LIMCH1: variants seen among roughly 807,000 people sequenced by gnomAD.
The protein encoded by LIMCH1 is LIM and calponin homology domains 1, also known as LIM and calponin homology domains-containing protein 1.
LIMCH1 carries 113 observed loss-of-function variants against 176.5 expected under a neutral mutation model. The observed-to-expected ratio is 0.64, with a 90% CI of 0.55 to 0.75. The LOEUF (loss-of-function observed/expected upper bound fraction) is 0.75, where lower values mean the gene tolerates loss of function less well. LIMCH1 is among the 30% of genes least tolerant of loss of function. The pLI is 0.00. For synonymous variants in LIMCH1, 619 were observed against 645.9 expected, an observed-to-expected ratio of 0.96 and a Z score of 0.63; for missense variants, 1,674 against 1,814.9, an observed-to-expected ratio of 0.92 and a Z score of 1.41.
At chr4:41,388,443 A>C (rs2056778153) in intron 1 of LIMCH1, among the ~76,000 whole-genome samples, 1 of 152,240 alleles carries the variant, frequency 6.6e-6, no homozygotes, top group African/African-American at 2.4e-5. Context: ...AGATCTATAG[A>C]GACAGAAAAC....
chr4:41,518,275 G>T (rs1456827137), intron 2 of LIMCH1, among the ~76,000 whole-genome samples: 4 of 152,098 alleles, frequency 2.6e-5, no homozygotes, highest in Non-Finnish European at 5.9e-5. Flanking sequence ...GTACCATTTT[G>T]TAGCACTATT....
At chr4:41,607,243 G>A (rs192472555) in intron 4 of LIMCH1, among the ~76,000 whole-genome samples, 1 of 152,214 alleles carries the variant, frequency 6.6e-6, no homozygotes, top group East Asian at 1.9e-4. Context: ...GCAAGAATTG[G>A]TTCCAATTTT....
intron 1 of LIMCH1, among the ~76,000 whole-genome samples, chr4:41,548,704 C>T (rs1024254223): frequency 6.6e-6 from 1 of 152,182 alleles, no homozygotes; most frequent in African/African-American, 2.4e-5. Flanking sequence ...TGTCTCTTTG[C>T]CAGTGGCTGC....
chr4:41,681,029 T>C lies in LIMCH1; in HGVS notation c.3687T>C (p.Ser1229=), dbSNP rs750118172. 1.9e-6 allele frequency: 3 copies of C among 1,611,586 alleles called. No homozygotes were observed. In the African/African-American group the frequency reaches 4.0e-5, roughly 22 times the overall value. ...SSSSADQLST[S]SSMTEGSGTM... ...GTTCCGCTGACCAGCTGTCTACCTCTTCCTCCATGACTGAAGGCAGTGGGA... is the reference window on the plus strand; with the variant it reads ...GTTCCGCTGACCAGCTGTCTACCTCCTCCTCCATGACTGAAGGCAGTGGGA... Residue 1229 remains serine (S), a synonymous_variant, in exon 25 of 32, where the codon TCT becomes TCC. Coordinates refer to ENST00000503057, the MANE Select transcript of LIMCH1 (RefSeq NM_001330672.2).
intron 7 of LIMCH1, among the ~76,000 whole-genome samples, chr4:41,624,114 TGAGTTC>T (rs1191498309): frequency 1.3e-5 from 2 of 152,212 alleles, no homozygotes; most frequent in Non-Finnish European, 2.9e-5. Flanking sequence ...CATGGAGATT[TGAGTTC>T]TTTTACTTGG....
intron 2 of LIMCH1, among the ~76,000 whole-genome samples, chr4:41,496,835 G>A (rs2072240006): frequency 6.6e-6 from 1 of 152,214 alleles, no homozygotes; most frequent in African/African-American, 2.4e-5. Context: ...AAGGCTCCCA[G>A]ACAGTGGAGC....
intron 1 of LIMCH1, among the ~76,000 whole-genome samples, chr4:41,589,480 C>G (rs1025175100): frequency 6.6e-6 from 1 of 152,084 alleles, no homozygotes; most frequent in African/African-American, 2.4e-5. Flanking sequence ...AAACCTGGGA[C>G]AGAGAAGGGT....
At chr4:41,455,361 A>G (rs960149291) in intron 1 of LIMCH1, among the ~76,000 whole-genome samples, 1 of 152,196 alleles carries the variant, frequency 6.6e-6, no homozygotes, top group Non-Finnish European at 1.5e-5. Context: ...GAAACAGTCC[A>G]GGGGCAGAGA....
At chr4:41,676,683 A>G (rs2095229476) in intron 23 of LIMCH1, among the ~76,000 whole-genome samples, 2 of 152,170 alleles carry the variant, frequency 1.3e-5, no homozygotes, top group Admixed American at 6.5e-5. Flanking sequence ...AACCATTCAT[A>G]TTAACACTGA....
chr4:41,452,817 G>T (rs1304077464), intron 1 of LIMCH1, among the ~76,000 whole-genome samples: 1 of 152,114 alleles, frequency 6.6e-6, no homozygotes, highest in Non-Finnish European at 1.5e-5. Flanking sequence ...CAGTTTTTGT[G>T]CCTTTTTAAT....
chr4:41,365,146 G>A (rs772042579), intron 1 of LIMCH1, among the ~76,000 whole-genome samples: 13 of 152,196 alleles, frequency 8.5e-5, no homozygotes, highest in Non-Finnish European at 1.6e-4. Context: ...ACCCAACTCA[G>A]CCTTATTTCT....
chr4:41,583,204 C>T (rs2085831890), intron 1 of LIMCH1, among the ~76,000 whole-genome samples: 5 of 152,196 alleles, frequency 3.3e-5, no homozygotes, highest in Admixed American at 3.3e-4. Flanking sequence ...AAGCCCCACA[C>T]ACCTTATAGG....
At chr4:41,359,967 A>G (rs7685339), upstream of LIMCH1, among the ~76,000 whole-genome samples, 11,086 of 151,574 alleles carry the variant, frequency 0.073, 609 homozygotes, top group African/African-American at 0.15. Context: ...TCCCTCTACA[A>G]TGTAGATACC....
intron 1 of LIMCH1, among the ~76,000 whole-genome samples, chr4:41,586,799 T>C (rs2086566776): frequency 6.6e-6 from 1 of 152,176 alleles, no homozygotes; most frequent in African/African-American, 2.4e-5. Flanking sequence ...TGAGCTTGAA[T>C]GTCAAGTCCT....
At chr4:41,540,957 G>T (rs1489985265) in intron 1 of LIMCH1, among the ~76,000 whole-genome samples, 1 of 152,168 alleles carries the variant, frequency 6.6e-6, no homozygotes, top group African/African-American at 2.4e-5. Flanking sequence ...AAAAAGGAAT[G>T]TTGAGTAGAT....
chr4:41,646,495 G>C lies in LIMCH1; in HGVS notation c.2422G>C (p.Glu808Gln). ...TCCCATGTCCTTTAGAGAGCGGAGA[G>C]AGAGAGAGCTGCATGAAGCATATAA... ...REIVQEKERR[E>Q]RELHEAYKNA... The change falls in exon 17 of 32, where the codon GAG becomes CAG. Residue 808 changes from glutamate to glutamine, a missense_variant. This residue lies in a region of LIMCH1 where 1,015 missense variants were observed against 1,102.5 expected (regional missense o/e 0.92). Coordinates refer to ENST00000503057, the MANE Select transcript of LIMCH1 (RefSeq NM_001330672.2). 1 of 1,613,078 alleles carries C rather than the reference G, an allele frequency of 6.2e-7. No individual in the cohort carries two copies. The highest frequency in any genetic ancestry group is 8.5e-7 in the Non-Finnish European group (1 of 1,179,146).
intron 1 of LIMCH1, among the ~76,000 whole-genome samples, chr4:41,437,276 G>A (rs758495391): frequency 2.0e-5 from 3 of 152,330 alleles, no homozygotes; most frequent in South Asian, 2.1e-4. Context: ...CACTCAACTA[G>A]TGAAACAGGA....
At chr4:41,422,435 G>T (rs1581912203) in intron 1 of LIMCH1, among the ~76,000 whole-genome samples, 1 of 152,198 alleles carries the variant, frequency 6.6e-6, no homozygotes, top group South Asian at 2.1e-4. Flanking sequence ...TGATCTGCCT[G>T]CCTCGGCCTC....
At chr4:41,522,110 A>G (rs912299573) in intron 2 of LIMCH1, among the ~76,000 whole-genome samples, 13 of 152,170 alleles carry the variant, frequency 8.5e-5, no homozygotes, top group Non-Finnish European at 2.9e-5. Flanking sequence ...CAAAGCTCAG[A>G]TCTCAGTCTG....
Sources: gnomAD v4.1 joint callset for allele counts (sites outside exome capture counted in the v4.1 genomes callset) on GRCh38, gnomAD v4.1.1 for gene constraint, gnomAD v4.1.1 regional missense constraint, MANE v1.5 for transcripts, NCBI Gene and HGNC (gene_info 2026-07-23, HGNC 2026-07-21) for gene names.